The following WWOX variants were observed in gnomAD, a reference collection of about 807,000 sequenced individuals.
WWOX encodes the protein WW domain-containing oxidoreductase.
WWOX carries 69 observed loss-of-function variants against 46.2 expected under a neutral mutation model. The ratio of observed to expected loss-of-function variants is 1.49; its 90% confidence interval spans 1.23 to 1.82. The LOEUF is 1.82. Ranked by LOEUF, WWOX falls within the 40% of genes most tolerant of loss-of-function variation. WWOX has a pLI of 0.00. For missense variants in WWOX, 919 were observed against 542.6 expected (o/e 1.69, Z -6.89); for synonymous variants, 359 against 202.6 (o/e 1.77, Z -6.56).
intron 8 of WWOX, among the ~76,000 whole-genome samples, chr16:78,487,159 A>G (rs1359702116): frequency 2.6e-5 from 4 of 152,092 alleles, no homozygotes; most frequent in Non-Finnish European, 5.9e-5. Context: ...ATGTTTTGCA[A>G]TTTTCTTTAA....
At chr16:79,108,481 C>T (rs1184796570) in intron 8 of WWOX, among the ~76,000 whole-genome samples, 2 of 152,246 alleles carry the variant, frequency 1.3e-5, no homozygotes, top group Non-Finnish European at 2.9e-5. Context: ...GGTATGTTTG[C>T]AGATGAAGGG....
intron 8 of WWOX, among the ~76,000 whole-genome samples, chr16:78,908,891 T>C (rs192917709): frequency 1.3e-5 from 2 of 152,308 alleles, no homozygotes; most frequent in East Asian, 3.9e-4. Flanking sequence ...CTGGAGCAAT[T>C]TGGGGAGGTT....
intron 8 of WWOX, among the ~76,000 whole-genome samples, chr16:78,954,197 G>C (rs952108363): frequency 1.3e-5 from 2 of 152,166 alleles, no homozygotes; most frequent in Non-Finnish European, 2.9e-5. Context: ...TGGATGGATG[G>C]ATGGATGGTT....
chr16:78,368,776 C>G (rs1293488881), intron 5 of WWOX, among the ~76,000 whole-genome samples: 1 of 152,166 alleles, frequency 6.6e-6, no homozygotes, highest in African/African-American at 2.4e-5. Context: ...AATTACCCAT[C>G]GCGATTCATT....
chr16:78,243,036 G>A (rs961051945), intron 5 of WWOX, among the ~76,000 whole-genome samples: 1 of 151,898 alleles, frequency 6.6e-6, no homozygotes, highest in Admixed American at 6.6e-5. Flanking sequence ...AAAGAGACAT[G>A]TGAGCCTTCC....
intron 5 of WWOX, among the ~76,000 whole-genome samples, chr16:78,317,577 G>A (rs927285031): frequency 6.6e-6 from 1 of 152,160 alleles, no homozygotes; most frequent in African/African-American, 2.4e-5. Flanking sequence ...ACCTGAGAGT[G>A]TGTGACTGTG....
intron 5 of WWOX, among the ~76,000 whole-genome samples, chr16:78,328,101 T>G (rs539490660): frequency 7.9e-4 from 120 of 152,232 alleles, no homozygotes; most frequent in African/African-American, 2.8e-3. Flanking sequence ...CTTGAACTCC[T>G]GGCCTCATGT....
At position 79,081,967 on chromosome 16, in the gene WWOX, A is replaced by C. The variant is rs562938030; in HGVS notation, c.1057-129641A>C. Among the ~76,000 whole-genome samples the C allele has an allele frequency of 3.9e-5, 6 of 152,332 alleles. No individual in the cohort carries two copies. The East Asian group carries it at 1.2e-3, about 29-fold the overall frequency. On this transcript the variant is annotated intron_variant, in intron 8 of 8. Coordinates refer to ENST00000566780, the MANE Select transcript of WWOX (RefSeq NM_016373.4). ...GCTTAACTGCAAAGGGGTGGTTGAT[A>C]TCAGATTCATACGCCAGAACCAGAA...
chr16:78,249,825 T>TGGCTGTGGGGTGGG (rs2151827404), intron 5 of WWOX, among the ~76,000 whole-genome samples: 1 of 103,072 alleles, frequency 9.7e-6, no homozygotes, highest in Admixed American at 1.2e-4. Flanking sequence ...AATACAGAGA[T>TGGCTGTGGGGTGGG]GGCTGTGGGG....
chr16:79,210,828 G>C (rs427883), intron 8 of WWOX, among the ~76,000 whole-genome samples: 97,820 of 151,976 alleles, frequency 0.64, 32,304 homozygotes, highest in Non-Finnish European at 0.71. Context: ...AGCCACAGCC[G>C]CAACTGTTAC....
intron 8 of WWOX, among the ~76,000 whole-genome samples, chr16:79,165,130 C>G (rs1185416800): frequency 1.4e-5 from 2 of 144,782 alleles, no homozygotes; most frequent in Non-Finnish European, 3.0e-5. Flanking sequence ...TATGGAAGGT[C>G]TTCACAGATT....
chr16:78,471,209 C>T (rs555646491), intron 8 of WWOX, among the ~76,000 whole-genome samples: 1 of 152,124 alleles, frequency 6.6e-6, no homozygotes, highest in African/African-American at 2.4e-5. Flanking sequence ...GACAATCAGG[C>T]GTGATTCTTC....
intron 8 of WWOX, among the ~76,000 whole-genome samples, chr16:78,976,830 G>T (rs988455007): frequency 1.3e-5 from 2 of 152,134 alleles, no homozygotes; most frequent in Admixed American, 1.3e-4. Flanking sequence ...TTAATGCCTG[G>T]TTCAGTTGCA....
chr16:79,185,106 C>T (rs2050987190), intron 8 of WWOX, among the ~76,000 whole-genome samples: 1 of 152,172 alleles, frequency 6.6e-6, no homozygotes, highest in Admixed American at 6.5e-5. Flanking sequence ...ATGAATTTTA[C>T]TGAACTATTG....
At chr16:78,282,399 G>C (rs2079694514) in intron 5 of WWOX, among the ~76,000 whole-genome samples, 1 of 152,196 alleles carries the variant, frequency 6.6e-6, no homozygotes, top group Non-Finnish European at 1.5e-5. Context: ...TCTCTTACTA[G>C]TGGTCAGCAA....
intron 5 of WWOX, among the ~76,000 whole-genome samples, chr16:78,363,118 G>A (rs34877597): frequency 0.034 from 5,094 of 152,036 alleles, 121 homozygotes; most frequent in African/African-American, 0.059. Flanking sequence ...ACATCTTTCC[G>A]TCCAGTGGTC....
chr16:78,950,089 T>A (rs996810379), intron 8 of WWOX, among the ~76,000 whole-genome samples: 7 of 152,220 alleles, frequency 4.6e-5, no homozygotes, highest in African/African-American at 1.7e-4. Context: ...GAGACCAAGT[T>A]CTCAACTATG....
At chr16:78,608,457 T>C (rs1322620909) in intron 8 of WWOX, among the ~76,000 whole-genome samples, 1 of 152,220 alleles carries the variant, frequency 6.6e-6, no homozygotes, top group Non-Finnish European at 1.5e-5. Context: ...GAAGTTGCCT[T>C]ATAAAGCTGC....
chr16:78,298,399 G>C (rs998350683), intron 5 of WWOX, among the ~76,000 whole-genome samples: 2 of 152,108 alleles, frequency 1.3e-5, no homozygotes, highest in African/African-American at 4.8e-5. Context: ...GATAGACATG[G>C]GTTTGTATCC....
Sources: allele counts gnomAD v4.1 joint callset (sites outside exome capture counted in the v4.1 genomes callset), GRCh38; gene constraint gnomAD v4.1.1; transcripts MANE v1.5; gene names NCBI Gene and HGNC (gene_info 2026-07-23, HGNC 2026-07-21).